SNU13: variants seen among roughly 807,000 people sequenced by gnomAD.
The protein encoded by SNU13 is NHP2-like protein 1.
SNU13 carries 2 observed loss-of-function variants against 12.4 expected under a neutral mutation model. The ratio of observed to expected loss-of-function variants is 0.16; its 90% CI spans 0.07 to 0.51. The LOEUF is 0.51. SNU13 is among the 20% of genes least tolerant of loss of function. The probability of loss-of-function intolerance (pLI) is 0.96; values close to 1 mark genes in which losing one functional copy is unlikely to be tolerated. For missense variants in SNU13, 66 were observed against 157.8 expected, an observed-to-expected ratio of 0.42 and a Z score of 3.12; for synonymous variants, 68 against 66.5, an observed-to-expected ratio of 1.02 and a Z score of -0.11.
intron 2 of SNU13, 146 bp downstream of exon 2, chr22:41,680,098 C>CA (rs2147135714): frequency 1.9e-6 from 2 of 1,029,786 alleles, no homozygotes; most frequent in South Asian, 4.2e-5. Context: ...CTTAGCCCAT[C>CA]AGCTTTAGCA....
At chr22:41,688,875 T>C, upstream of SNU13, 1 of 1,502,934 alleles carries the variant, frequency 6.7e-7, no homozygotes, top group Non-Finnish European at 9.0e-7. Flanking sequence ...CCGGAAAAAC[T>C]CACAGAAGCA....
Position 41,674,767 on chromosome 22 carries a change from A to C in SNU13, c.*166T>G. ...AGGGAGGAAAGGAAGGGGGATAGCA[A>C]CCCTGTAAAACAGAACAAAAACAAC... is the stretch of plus-strand genomic sequence containing the variant. On this transcript the variant is annotated 3_prime_UTR_variant, in exon 3 of 3. Transcript: ENST00000401959. The C allele has an allele frequency of 2.2e-6, 2 of 908,894 alleles. No homozygotes were observed. The highest frequency in any genetic ancestry group is 3.3e-6 in the Non-Finnish European group (2 of 614,264). The allele number at this position is 908,894 out of a possible 1,614,324, so 56.3% of individuals were successfully genotyped here.
At position 41,674,541 on chromosome 22, in the gene SNU13, A is replaced by G. The variant is rs913632938; in HGVS notation, c.*392T>C. On this transcript the variant is annotated 3_prime_UTR_variant, in exon 3 of 3. Coordinates refer to ENST00000401959, the MANE Select transcript of SNU13 (RefSeq NM_001003796.2). ...TTCTGTGTGCCAGGCACAGGGACAC[A>G]CAATGAATGCTGTTTAATTCCACCA... is the stretch of plus-strand genomic sequence containing the variant. 2.4e-5 allele frequency: 5 copies of G among 207,796 alleles called. No individual in the cohort carries two copies. Among genetic ancestry groups the G allele is most frequent in the East Asian group, 1.2e-4 (1 of 8,296 alleles). The allele number at this position is 207,796 out of a possible 1,614,324, so 12.9% of individuals were successfully genotyped here. A position where few individuals can be genotyped will look rare whatever the true frequency, so the allele number is the denominator to read the frequency against.
chr22:41,685,316 C>A (rs2068301837), intron 1 of SNU13, among the ~76,000 whole-genome samples: 1 of 152,060 alleles, frequency 6.6e-6, no homozygotes, highest in African/African-American at 2.4e-5. Flanking sequence ...ACTGGAACTA[C>A]AAGTGTGGGC....
At chr22:41,690,385 A>C, upstream of SNU13, 1 of 718,294 alleles carries the variant, frequency 1.4e-6, no homozygotes, top group South Asian at 1.5e-5. Flanking sequence ...TGTTTAAAAC[A>C]AGTTCTTCCT....
At chr22:41,677,041 G>T in intron 2 of SNU13, among the ~76,000 whole-genome samples, 1 of 152,088 alleles carries the variant, frequency 6.6e-6, no homozygotes, top group East Asian at 1.9e-4. Flanking sequence ...ATACTTTTAA[G>T]CCTGCTGGCC....
chr22:41,679,053 T>C (rs2068238571), intron 2 of SNU13, among the ~76,000 whole-genome samples: 1 of 151,542 alleles, frequency 6.6e-6, no homozygotes, highest in African/African-American at 2.4e-5. Context: ...AGCTCAGGAG[T>C]TTAAGACCAG....
At chr22:41,685,275 A>G (rs2068301459) in intron 1 of SNU13, among the ~76,000 whole-genome samples, 1 of 152,102 alleles carries the variant, frequency 6.6e-6, no homozygotes, top group Non-Finnish European at 1.5e-5. Context: ...TCCAGGGCTC[A>G]AGCGATCCTC....
chr22:41,675,569 G>A (rs931383608), intron 2 of SNU13, among the ~76,000 whole-genome samples: 2 of 147,024 alleles, frequency 1.4e-5, no homozygotes, highest in African/African-American at 5.1e-5. Context: ...TTACAGGCAC[G>A]TGCCACTGTG....
rs769652542 is a variant in SNU13 at position 41,680,379 on chromosome 22, T to A, written c.4-15A>T. The A allele has an allele frequency of 3.6e-5, 57 of 1,593,476 alleles. No homozygotes were observed. Among genetic ancestry groups the A allele is most frequent in the Non-Finnish European group, 4.7e-5 (55 of 1,170,326 alleles). On this transcript the variant is annotated splice_polypyrimidine_tract_variant and intron_variant, in intron 1 of 2. Coordinates refer to ENST00000401959, the MANE Select transcript of SNU13 (RefSeq NM_001003796.2). ...TCAGCCTCAGTCTATGGGGGGGACA[T>A]AAAAATATCAGACAAATTGAGCCAG... is the stretch of plus-strand genomic sequence containing the variant.
At chr22:41,676,588 G>A (rs568695547) in intron 2 of SNU13, among the ~76,000 whole-genome samples, 1 of 151,288 alleles carries the variant, frequency 6.6e-6, no homozygotes, top group South Asian at 2.1e-4. Context: ...ACAAACTTCA[G>A]GAGTTATGCT....
At chr22:41,676,007 G>A (rs1348960699) in intron 2 of SNU13, among the ~76,000 whole-genome samples, 1 of 152,078 alleles carries the variant, frequency 6.6e-6, no homozygotes, top group East Asian at 1.9e-4. Context: ...TGTGATTACA[G>A]GCATGAGCCA....
At chr22:41,686,863 G>GATCC (rs1041083053) in intron 1 of SNU13, among the ~76,000 whole-genome samples, 11 of 151,752 alleles carry the variant, frequency 7.2e-5, no homozygotes, top group African/African-American at 2.7e-4. Context: ...CTGACCTCAT[G>GATCC]ATCCACCCGC....
chr22:41,685,766 G>C (rs1028236188), intron 1 of SNU13, among the ~76,000 whole-genome samples: 6 of 151,534 alleles, frequency 4.0e-5, no homozygotes, highest in African/African-American at 1.5e-4. Context: ...AGGAGTTGGA[G>C]ACCAGCCTGA....
At chr22:41,686,357 T>G (rs1190431558) in intron 1 of SNU13, among the ~76,000 whole-genome samples, 1 of 151,260 alleles carries the variant, frequency 6.6e-6, no homozygotes, top group African/African-American at 2.4e-5. Context: ...CAGGCTGGAG[T>G]GCAGTGGCGC....
At chr22:41,676,241 C>T (rs2068212912) in intron 2 of SNU13, among the ~76,000 whole-genome samples, 1 of 152,142 alleles carries the variant, frequency 6.6e-6, no homozygotes, top group Admixed American at 6.6e-5. Flanking sequence ...CCACATGCGA[C>T]TCACCATGCA....
intron 1 of SNU13, among the ~76,000 whole-genome samples, chr22:41,683,064 A>G (rs1314097998): frequency 6.6e-6 from 1 of 152,112 alleles, no homozygotes; most frequent in Non-Finnish European, 1.5e-5. Flanking sequence ...TAGTGGTGGC[A>G]TCTTGGCTCA....
intron 1 of SNU13, among the ~76,000 whole-genome samples, chr22:41,684,365 T>A (rs2068292744): frequency 6.6e-6 from 1 of 152,178 alleles, no homozygotes; most frequent in Non-Finnish European, 1.5e-5. Context: ...TTTGGGGTTA[T>A]TTTGTGCTAG....
At chr22:41,678,661 C>T (rs2068235171) in intron 2 of SNU13, among the ~76,000 whole-genome samples, 1 of 152,108 alleles carries the variant, frequency 6.6e-6, no homozygotes, top group South Asian at 2.1e-4. Context: ...CCAAGCTGAC[C>T]TGAGTGCATC....
Sources: allele counts gnomAD v4.1 joint callset (sites outside exome capture counted in the v4.1 genomes callset), GRCh38; gene constraint gnomAD v4.1.1; transcripts MANE v1.5; gene names NCBI Gene and HGNC (gene_info 2026-07-23, HGNC 2026-07-21).